OPHN1: variants seen among roughly 807,000 people sequenced by gnomAD.
OPHN1 encodes the protein oligophrenin 1.
OPHN1 carries 11 observed loss-of-function variants against 60.7 expected under a neutral mutation model. The observed-to-expected ratio is 0.18, with a 90% CI of 0.11 to 0.30. OPHN1 has a LOEUF of 0.30. OPHN1 is among the 10% of genes least tolerant of loss of function. The pLI is 1.00. For synonymous variants in OPHN1, 226 were observed against 222.6 expected (o/e 1.02, Z -0.14); for missense variants, 449 against 611.0 (o/e 0.73, Z 2.80).
chrX:68,353,650 C>A (rs753945570), intron 2 of OPHN1, among the ~76,000 whole-genome samples: 2 of 110,952 alleles, frequency 1.8e-5, no homozygotes, highest in Non-Finnish European at 3.8e-5. Flanking sequence ...ATGACAAATG[C>A]TTTTGTAGAA....
intron 15 of OPHN1, chrX:68,132,993 C>A: frequency 2.1e-6 from 1 of 472,417 alleles, no homozygotes. Flanking sequence ...CCCCCGGACG[C>A]CAAGCCGCCG....
intron 20 of OPHN1, among the ~76,000 whole-genome samples, chrX:68,067,168 C>A (rs1322271269): frequency 8.9e-6 from 1 of 111,953 alleles, no homozygotes; most frequent in Non-Finnish European, 1.9e-5. Context: ...ATACTGACTG[C>A]AAGGATTAGA....
chrX:68,365,928 G>A (rs1425476048), intron 2 of OPHN1, among the ~76,000 whole-genome samples: 3 of 104,453 alleles, frequency 2.9e-5, no homozygotes. Context: ...CCACACTCAT[G>A]CTCTCAGAAA....
chrX:68,107,022 A>AT lies in OPHN1; in HGVS notation c.1526+4831dup, dbSNP rs749041216. Among the ~76,000 whole-genome samples the AT allele has an allele frequency of 6.3e-4, 71 of 111,819 alleles. 1 individual carries two copies. The highest frequency in any genetic ancestry group is 4.7e-3 in the Middle Eastern group (1 of 214). ...CCATATTTGCTTTTATTCTGTCTAT[A>AT]TTTTTTCTTAATCCTCTGAAAGTAC... On this transcript the variant is annotated intron_variant, in intron 18 of 24. Transcript: ENST00000355520.
chrX:68,318,113 T>A (rs913872872), intron 2 of OPHN1, among the ~76,000 whole-genome samples: 3 of 111,774 alleles, frequency 2.7e-5, no homozygotes, highest in African/African-American at 9.7e-5. Context: ...TCAATCGTAT[T>A]TGTATATACT....
At chrX:68,303,375 A>T (rs1411713112) in intron 2 of OPHN1, among the ~76,000 whole-genome samples, 1 of 111,828 alleles carries the variant, frequency 8.9e-6, no homozygotes, top group Non-Finnish European at 1.9e-5. Context: ...GGCCAGGCAC[A>T]GTGGCTCACG....
At chrX:68,169,932 G>A (rs1403124357) in intron 15 of OPHN1, among the ~76,000 whole-genome samples, 35 of 107,965 alleles carry the variant, frequency 3.2e-4, no homozygotes, top group Non-Finnish European at 6.3e-4. Flanking sequence ...TTGACAAATG[G>A]GATCTAATTA....
At chrX:68,080,320 C>CT (rs1331838800) in intron 19 of OPHN1, among the ~76,000 whole-genome samples, 2 of 112,085 alleles carry the variant, frequency 1.8e-5, no homozygotes, top group Non-Finnish European at 3.8e-5. Flanking sequence ...TTTTATGGAA[C>CT]TTAATTTCTC....
At position 68,432,895 on chromosome X, in the gene OPHN1, G is replaced by T; in HGVS notation, c.126C>A (p.Asp42Glu). The T allele has an allele frequency of 8.3e-7, 1 of 1,211,790 alleles. No individual in the cohort carries two copies. The highest frequency in any genetic ancestry group is 1.8e-5 in the South Asian group (1 of 57,011). Residue 42 changes from aspartate (D) to glutamate (E), a missense_variant, in exon 2 of 25, where the codon GAC (aspartate) becomes GAA (glutamate). Asp to Glu is a conservative substitution (Grantham distance 45, BLOSUM62 2). Coordinates refer to ENST00000355520, the MANE Select transcript of OPHN1 (RefSeq NM_002547.3). ...TNKFIKDVIK[D>E]GNALISAMRN... The stretch of plus-strand genomic sequence containing the variant: ...TCATAGCGCTGATAAGCGCGTTGCC[G>T]TCTTTGATTACGTCTTTGATGAATT...
chrX:68,413,785 G>C (rs1180787518), intron 2 of OPHN1, among the ~76,000 whole-genome samples: 1 of 111,382 alleles, frequency 9.0e-6, no homozygotes, highest in African/African-American at 3.3e-5. Flanking sequence ...AGAAATCCTA[G>C]AGAAAACATT....
intron 2 of OPHN1, among the ~76,000 whole-genome samples, chrX:68,310,753 A>C (rs2078169066): frequency 8.9e-6 from 1 of 112,329 alleles, no homozygotes; most frequent in Non-Finnish European, 1.9e-5. Flanking sequence ...TTTGCTCAAC[A>C]ACAACACTGC....
chrX:68,237,222 T>C (rs1008614267), intron 5 of OPHN1, among the ~76,000 whole-genome samples: 4 of 112,590 alleles, frequency 3.6e-5, no homozygotes, highest in African/African-American at 1.3e-4. Flanking sequence ...TGACCTCAGG[T>C]AATCCACCCA....
chrX:68,100,539 G>A (rs1325062446), intron 18 of OPHN1, among the ~76,000 whole-genome samples: 1 of 110,559 alleles, frequency 9.0e-6, no homozygotes, highest in Non-Finnish European at 1.9e-5. Context: ...GATTGGCCAT[G>A]TGTTGATTAC....
chrX:68,278,657 G>A (rs938872117), intron 4 of OPHN1, among the ~76,000 whole-genome samples: 1 of 113,225 alleles, frequency 8.8e-6, no homozygotes, highest in African/African-American at 3.2e-5. Flanking sequence ...AGGCCAAGGC[G>A]GGTGGATCAG....
At chrX:68,334,245 A>T (rs2078311121) in intron 2 of OPHN1, among the ~76,000 whole-genome samples, 1 of 111,647 alleles carries the variant, frequency 9.0e-6, no homozygotes, top group Admixed American at 9.6e-5. Flanking sequence ...TATTTTAAAG[A>T]TTTTATTTCT....
At position 68,304,029 on chromosome X, in the gene OPHN1, G is replaced by T. The variant is rs1433601939; in HGVS notation, c.155-4933C>A. 4.5e-5 allele frequency among the ~76,000 whole-genome samples: 5 copies of T among 111,560 alleles called. 1 individual carries two copies. The Admixed American group carries it at 4.8e-4, about 11-fold the overall frequency. ...TCTATTGCAATGCAGTGTGACTATAGTTAACAATATTTTATTGTATACATT... is the reference window on the plus strand; with the variant it reads ...TCTATTGCAATGCAGTGTGACTATATTTAACAATATTTTATTGTATACATT... On this transcript the variant is annotated intron_variant, in intron 2 of 24. Transcript: ENST00000355520.
At chrX:68,290,284 A>C (rs1454858049) in intron 3 of OPHN1, among the ~76,000 whole-genome samples, 2 of 111,116 alleles carry the variant, frequency 1.8e-5, no homozygotes, top group Non-Finnish European at 3.8e-5. Flanking sequence ...ACATGATGAA[A>C]TTCAACTCTA....
At chrX:68,163,410 G>A (rs1166058543) in intron 15 of OPHN1, among the ~76,000 whole-genome samples, 6 of 95,918 alleles carry the variant, frequency 6.3e-5, no homozygotes, top group Non-Finnish European at 1.2e-4. Flanking sequence ...CTTTTTTAAG[G>A]CTGAATGAAA....
In OPHN1 at chrX:68,298,986, T is replaced by C. The variant is rs1709965941; in HGVS notation, c.250+15A>G. The C allele has an allele frequency of 9.2e-7, 1 of 1,087,119 alleles. No homozygotes were observed. Among genetic ancestry groups the C allele is most frequent in the Admixed American group, 2.2e-5 (1 of 45,085 alleles). The allele number at this position is 1,087,119 out of a possible 1,213,427, so 89.6% of individuals were successfully genotyped here. On this transcript the variant is annotated intron_variant, in intron 3 of 24. Transcript: ENST00000355520. ...GCCTCAACAGGTATATGACCACATGTAGCTGAAGACTTACCGATGTTAATT... is the reference window on the plus strand; with the variant it reads ...GCCTCAACAGGTATATGACCACATGCAGCTGAAGACTTACCGATGTTAATT...
Sources: gnomAD v4.1 joint callset for allele counts (sites outside exome capture counted in the v4.1 genomes callset) on GRCh38, gnomAD v4.1.1 for gene constraint, MANE v1.5 for transcripts, NCBI Gene and HGNC (gene_info 2026-07-23, HGNC 2026-07-21) for gene names.